C4orf50: variants seen among roughly 807,000 people sequenced by gnomAD.
C4orf50 encodes the protein chromosome 4 open reading frame 50.
In C4orf50, 80 loss-of-function variants were observed where a neutral mutation model predicts 77.2. That is an observed-to-expected ratio of 1.04 (90% CI 0.87 to 1.25). C4orf50 has a LOEUF of 1.25. Among genes scored for constraint, C4orf50 ranks in the 50% most tolerant of loss-of-function variants. The pLI, the probability that C4orf50 is intolerant of heterozygous loss-of-function variation, is 0.00. For synonymous variants in C4orf50, 532 were observed against 465.3 expected (o/e 1.14, Z -1.84); for missense variants, 1,257 against 1,152.9 (o/e 1.09, Z -1.31).
intron 31 of C4orf50, among the ~76,000 whole-genome samples, chr4:5,973,026 T>C (rs946061121): frequency 4.6e-5 from 7 of 152,232 alleles, no homozygotes; most frequent in Non-Finnish European, 8.8e-5. Context: ...ATTTCATTCA[T>C]TCAACCAACA....
chr4:5,920,347 C>T (rs12501600), intron 7 of C4orf50, among the ~76,000 whole-genome samples: 62,852 of 151,668 alleles, frequency 0.41, 15,870 homozygotes, highest in East Asian at 0.81. Flanking sequence ...GAGCTGGTTG[C>T]GATGATGAAG....
chr4:5,975,146 A>AC (rs1560575561), intron 30 of C4orf50, among the ~76,000 whole-genome samples: 299 of 26,542 alleles, frequency 0.011, 13 homozygotes, highest in African/African-American at 0.047. Flanking sequence ...TCTCAAAAAA[A>AC]AAAAAAAAAA....
In C4orf50 at chr4:5,989,735, AC is replaced by A. The variant is rs1292469452; in HGVS notation, c.2310del (p.Arg773AspfsTer20). On this transcript the variant is annotated frameshift_variant, in exon 28 of 34. Coordinates refer to ENST00000531445, the Ensembl canonical transcript of C4orf50. LOFTEE classifies it high-confidence loss of function. Reference sequence around the variant, plus strand: ...TCAACTGATAAGGCAAATCTGGGAAACAGTGGCAAACCTGTCTCTCCTGCAA... The same window carrying A: ...TCAACTGATAAGGCAAATCTGGGAAAAGTGGCAAACCTGTCTCTCCTGCAA... The A allele has an allele frequency of 2.6e-6, 4 of 1,535,250 alleles. No homozygotes were observed. The East Asian group carries it at 7.3e-5, about 28-fold the overall frequency.
Position 5,932,994 on chromosome 4 carries a change from A to T in C4orf50, c.*2474+23907T>A, listed in dbSNP as rs2108746004. On this transcript the variant is annotated intron_variant, in intron 7 of 7. Coordinates refer to the C4orf50 transcript ENST00000324058. The surrounding 1 kb of genome is among the most constrained non-coding windows in gnomAD (Gnocchi z 4.2). ...AAGACCGTCATTTTCTCTCTGCCTTATAATTTTTGTAAACAAATTTCTCCT... is the reference window on the plus strand; with the variant it reads ...AAGACCGTCATTTTCTCTCTGCCTTTTAATTTTTGTAAACAAATTTCTCCT... 1.3e-5 allele frequency among the ~76,000 whole-genome samples: 2 copies of T among 152,328 alleles called. No homozygotes were observed. The highest frequency in any genetic ancestry group is 6.8e-3 in the Middle Eastern group (2 of 294).
In C4orf50 at chr4:5,992,755, G is replaced by A. The variant is rs1721361878; in HGVS notation, c.1221+48C>T. ...CATAGCCTGCATGAGGCAGGGCTGA[G>A]GGGAACCAGTGGCACTGCACACACA... On this transcript the variant is annotated intron_variant, in intron 27 of 33. Transcript: ENST00000531445. The surrounding 1 kb of genome is among the most constrained non-coding windows in gnomAD (Gnocchi z 5.0). 2 of 399,044 alleles carry A rather than the reference G, an allele frequency of 5.0e-6. No individual in the cohort carries two copies. Among genetic ancestry groups the A allele is most frequent in the South Asian group, 2.6e-4 (2 of 7,842 alleles). The allele number at this position is 399,044 out of a possible 1,614,324, so 24.7% of individuals were successfully genotyped here. A position where few individuals can be genotyped will look rare whatever the true frequency, so the allele number is the denominator to read the frequency against.
chr4:5,966,869 C>T (rs1198884145), intron 32 of C4orf50, among the ~76,000 whole-genome samples: 1 of 152,098 alleles, frequency 6.6e-6, no homozygotes, highest in East Asian at 1.9e-4. Flanking sequence ...AGGATGGTCT[C>T]CATCTCTTGA....
At chr4:5,945,324 G>A (rs192567776) in intron 7 of C4orf50, among the ~76,000 whole-genome samples, 23 of 152,290 alleles carry the variant, frequency 1.5e-4, no homozygotes, top group Middle Eastern at 3.4e-3. Flanking sequence ...CCACATTCCC[G>A]GGGGACCCCA....
rs546080830 is a variant in C4orf50, at chr4:6,018,207, G to A, written c.225C>T (p.Ser75=). The change falls in exon 23 of 34, where the codon TCC becomes TCT. Residue 75 remains serine, a synonymous_variant. Transcript: ENST00000531445. The surrounding 1 kb of genome is among the most constrained non-coding windows in gnomAD (Gnocchi z 5.1). ...CCTCTGCTGCTGACAGCTTCTGCTC[G>A]GAGGACTCCAGCTGCCTCCTGAGCG... 7 of 398,954 alleles carry A rather than the reference G, an allele frequency of 1.8e-5. No individual in the cohort carries two copies. The highest frequency in any genetic ancestry group is 2.7e-5 in the Non-Finnish European group (6 of 226,062). 24.7% of individuals were successfully genotyped at this position (398,954 alleles called of 1,614,324 possible).
chr4:6,008,168 T>A lies in C4orf50; in HGVS notation c.791A>T (p.His264Leu). 2.5e-6 allele frequency: 1 copy of A among 398,694 alleles called. No individual in the cohort carries two copies. The highest frequency in any genetic ancestry group is 4.4e-6 in the Non-Finnish European group (1 of 225,918). The allele number at this position is 398,694 out of a possible 1,614,324, so 24.7% of individuals were successfully genotyped here. A position where few individuals can be genotyped will look rare whatever the true frequency, so the allele number is the denominator to read the frequency against. ...GCGGAGCTGGCGCTCGGTGGCCCGG[T>A]GCTCCTGCAGGCTGCGCGCCGCCTC... is the stretch of plus-strand genomic sequence containing the variant. Residue 264 changes from histidine (H) to leucine (L), a missense_variant, in exon 25 of 34, where the codon CAC becomes CTC. His to Leu is a moderately conservative substitution (Grantham distance 99). Transcript: ENST00000531445. The surrounding 1 kb of genome is among the most constrained non-coding windows in gnomAD (Gnocchi z 6.0).
In C4orf50 at chr4:6,000,539, C is replaced by T. The variant is rs915943601; in HGVS notation, c.964-6063G>A. ...AGACTGGCAGCCTTGTCACATGCTG[C>T]AGCCTGGGTCCAGCCCCCACTGCAA... On this transcript the variant is annotated intron_variant, in intron 25 of 33. Transcript: ENST00000531445. This position sits in a 1 kb window ranked among gnomAD's most constrained non-coding sequence, Gnocchi z 6.0. Among the ~76,000 whole-genome samples the T allele has an allele frequency of 5.3e-5, 8 of 152,158 alleles. No homozygotes were observed. Among genetic ancestry groups the T allele is most frequent in the Non-Finnish European group, 1.0e-4 (7 of 68,026 alleles).
In C4orf50 at chr4:5,936,215, A is replaced by AAC. The variant is rs568503415; in HGVS notation, c.*2474+20685_*2474+20686insGT. On this transcript the variant is annotated intron_variant, in intron 7 of 7. Coordinates refer to the C4orf50 transcript ENST00000324058. ...AGAGTCTTCATGCTGCAGGAAAAAA[A>AAC]AAAAATGAGCTTCAGGATTTATCTA... 3.5e-3 allele frequency among the ~76,000 whole-genome samples: 531 copies of AAC among 152,062 alleles called. 4 individuals carry two copies. Among genetic ancestry groups the AAC allele is most frequent in the African/African-American group, 0.012 (491 of 41,404 alleles).
chr4:5,910,544 G>C (rs1716758156), intron 7 of C4orf50, among the ~76,000 whole-genome samples: 1 of 152,142 alleles, frequency 6.6e-6, no homozygotes, highest in Non-Finnish European at 1.5e-5. Context: ...GAATTATCTA[G>C]AGTGTGTCCT....
intron 28 of C4orf50, among the ~76,000 whole-genome samples, chr4:5,982,286 A>C (rs998053659): frequency 5.3e-5 from 8 of 152,054 alleles, no homozygotes; most frequent in African/African-American, 1.9e-4. Context: ...CTCTAAAGAG[A>C]ATGGCTGTGC....
chr4:5,950,040 G>C (rs1718651772), intron 7 of C4orf50, among the ~76,000 whole-genome samples: 1 of 151,386 alleles, frequency 6.6e-6, no homozygotes, highest in Non-Finnish European at 1.5e-5. Context: ...AATTTTATAG[G>C]TTGGTGCAAA....
At chr4:6,002,877 C>A (rs1382392432) in intron 25 of C4orf50, among the ~76,000 whole-genome samples, 2 of 152,246 alleles carry the variant, frequency 1.3e-5, no homozygotes, top group African/African-American at 4.8e-5. Context: ...CACTGCATCT[C>A]TGAGCCTTCT....
At chr4:5,999,239 C>A (rs888178585) in intron 25 of C4orf50, among the ~76,000 whole-genome samples, 1 of 152,198 alleles carries the variant, frequency 6.6e-6, no homozygotes, top group East Asian at 1.9e-4. Context: ...GGGGTCACTG[C>A]AGGTGGGGCC....
At chr4:5,977,987 A>G (rs1720378728) in intron 29 of C4orf50, among the ~76,000 whole-genome samples, 1 of 152,272 alleles carries the variant, frequency 6.6e-6, no homozygotes, top group Non-Finnish European at 1.5e-5. Flanking sequence ...AGAGTCAATT[A>G]ACCCTATTAG....
chr4:5,908,344 A>T lies in C4orf50; in HGVS notation c.*2475-10156T>A, dbSNP rs1441767521. Among the ~76,000 whole-genome samples, 1 of 152,150 alleles carries T rather than the reference A, an allele frequency of 6.6e-6. No individual in the cohort carries two copies. Among genetic ancestry groups the T allele is most frequent in the East Asian group, 1.9e-4 (1 of 5,178 alleles). On this transcript the variant is annotated intron_variant, in intron 7 of 7. Transcript: ENST00000324058. This position sits in a 1 kb window ranked among gnomAD's most constrained non-coding sequence, Gnocchi z 5.6. ...GACATTATGACAGGGTACATGCAGG[A>T]AGCTCACTGCACTGCACTGCATGTG...
intron 24 of C4orf50, among the ~76,000 whole-genome samples, chr4:6,010,072 C>G (rs1438121258): frequency 6.6e-6 from 1 of 152,182 alleles, no homozygotes; most frequent in Non-Finnish European, 1.5e-5. Context: ...TCTTTTGCCC[C>G]TCATCACACT....
Sources: allele counts gnomAD v4.1 joint callset (sites outside exome capture counted in the v4.1 genomes callset), GRCh38; gene constraint gnomAD v4.1.1; non-coding constraint Gnocchi (gnomAD v3.1); transcripts MANE v1.5; gene names NCBI Gene and HGNC (gene_info 2026-07-23, HGNC 2026-07-21).